The following LGSN variants were observed in gnomAD, a reference collection of about 807,000 sequenced individuals.
LGSN encodes the protein lengsin, lens protein with glutamine synthetase domain.
Under a neutral mutation model 19.5 loss-of-function variants are expected in LGSN, and 21 were observed. The ratio of observed to expected loss-of-function variants is 1.07; its 90% CI spans 0.76 to 1.55. The LOEUF is 1.55. LGSN is among the 40% of genes most tolerant of loss of function. The pLI is 0.00. For missense variants in LGSN, 673 were observed against 608.5 expected (o/e 1.11, Z -1.12); for synonymous variants, 257 against 215.6 (o/e 1.19, Z -1.68).
intron 2 of LGSN, among the ~76,000 whole-genome samples, chr6:63,294,185 A>C (rs1174607143): frequency 6.6e-6 from 1 of 151,958 alleles, no homozygotes; most frequent in Non-Finnish European, 1.5e-5. Flanking sequence ...AAATATAAAA[A>C]ATTAGCGTGG....
At chr6:63,546,996 A>G in the LGSN span, among the ~76,000 whole-genome samples, 1 of 152,192 alleles carries the variant, frequency 6.6e-6, no homozygotes, top group East Asian at 1.9e-4. Flanking sequence ...TTGATAAAAC[A>G]TTCTTTTTTA....
chr6:63,396,283 A>G, the LGSN span: 3 of 183,368 alleles, frequency 1.6e-5, no homozygotes, highest in Admixed American at 6.2e-5. Context: ...ACCAGGATGA[A>G]TCAGCTGTCT....
chr6:63,517,623 A>AAC, the LGSN span, among the ~76,000 whole-genome samples: 4 of 151,900 alleles, frequency 2.6e-5, no homozygotes, highest in South Asian at 2.1e-4. Context: ...ACTATCTATC[A>AAC]ACACACACAC....
the LGSN span, among the ~76,000 whole-genome samples, chr6:63,561,396 A>G: frequency 0.017 from 2,543 of 152,302 alleles, 27 homozygotes; most frequent in Non-Finnish European, 0.026. Context: ...ATAATAAGGT[A>G]TATTTCTACA....
chr6:63,356,100 G>T, the LGSN span, among the ~76,000 whole-genome samples: 4 of 152,170 alleles, frequency 2.6e-5, no homozygotes, highest in South Asian at 8.3e-4. Flanking sequence ...TATTGCACTA[G>T]GGCCCACCCT....
intron 2 of LGSN, among the ~76,000 whole-genome samples, chr6:63,290,330 G>A (rs919263229): frequency 6.6e-6 from 1 of 152,170 alleles, no homozygotes; most frequent in Non-Finnish European, 1.5e-5. Flanking sequence ...CATGATACAA[G>A]ATCTTTCTCC....
the LGSN span, among the ~76,000 whole-genome samples, chr6:63,338,887 G>C: frequency 6.6e-6 from 1 of 151,932 alleles, no homozygotes; most frequent in Non-Finnish European, 1.5e-5. Context: ...AATTTGTTTT[G>C]ATCATTTTTT....
the LGSN span, among the ~76,000 whole-genome samples, chr6:63,552,795 C>A: frequency 6.6e-6 from 1 of 152,102 alleles, no homozygotes; most frequent in East Asian, 1.9e-4. Flanking sequence ...ATAGGGAAAC[C>A]TTTCCCCATT....
chr6:63,461,266 G>C, the LGSN span, among the ~76,000 whole-genome samples: 15 of 152,136 alleles, frequency 9.9e-5, no homozygotes, highest in African/African-American at 3.6e-4. Flanking sequence ...TGGCCATGCT[G>C]GTCTCAAAAT....
chr6:63,364,725 C>A, the LGSN span, among the ~76,000 whole-genome samples: 19,790 of 151,926 alleles, frequency 0.13, 2,834 homozygotes, highest in African/African-American at 0.36. Context: ...ACAGAAATTA[C>A]AAAAAACTGT....
the LGSN span, among the ~76,000 whole-genome samples, chr6:63,348,461 A>C: frequency 6.6e-6 from 1 of 152,112 alleles, no homozygotes; most frequent in African/African-American, 2.4e-5. Flanking sequence ...CTCAAAAGAA[A>C]AAAAAAAATA....
At chr6:63,460,100 CTTTTTTTTTTTTTTTTTTTT>C in the LGSN span, among the ~76,000 whole-genome samples, 1 of 56,128 alleles carries the variant, frequency 1.8e-5, no homozygotes, top group Admixed American at 2.6e-4. Context: ...ATTTCATTCC[CTTTTTTTTTTTTTTTTTTTT>C]TTTTTTTTTT....
the LGSN span, among the ~76,000 whole-genome samples, chr6:63,498,409 T>C: frequency 6.6e-6 from 1 of 152,078 alleles, no homozygotes; most frequent in Admixed American, 6.6e-5. Context: ...ATTCCCTATC[T>C]CATCTCTATT....
chr6:63,430,963 T>A, the LGSN span, among the ~76,000 whole-genome samples: 1 of 152,214 alleles, frequency 6.6e-6, no homozygotes, highest in Non-Finnish European at 1.5e-5. Flanking sequence ...TGAATGATCA[T>A]GTATTATTCA....
the LGSN span, among the ~76,000 whole-genome samples, chr6:63,350,794 G>A: frequency 2.0e-5 from 3 of 151,846 alleles, no homozygotes; most frequent in African/African-American, 7.3e-5. Context: ...AGAGGTTACG[G>A]TGAGCTGAGA....
At chr6:63,520,281 G>T in the LGSN span, among the ~76,000 whole-genome samples, 1 of 152,092 alleles carries the variant, frequency 6.6e-6, no homozygotes, top group Non-Finnish European at 1.5e-5. Context: ...TTGGCCTTCA[G>T]GAGATCTATC....
the LGSN span, among the ~76,000 whole-genome samples, chr6:63,345,010 C>T: frequency 6.6e-6 from 1 of 151,890 alleles, no homozygotes; most frequent in Non-Finnish European, 1.5e-5. Flanking sequence ...CACAGGAAAC[C>T]CAATCATTGT....
chr6:63,528,797 C>A, the LGSN span, among the ~76,000 whole-genome samples: 1 of 151,714 alleles, frequency 6.6e-6, no homozygotes, highest in East Asian at 1.9e-4. Flanking sequence ...ACTTTGGTGG[C>A]ACCCTCCACA....
intron 2 of LGSN, among the ~76,000 whole-genome samples, chr6:63,289,658 C>T (rs1767689728): frequency 6.6e-6 from 1 of 150,980 alleles, no homozygotes; most frequent in East Asian, 1.9e-4. Context: ...TCTATAGCAA[C>T]TAGGAGGCCT....
Sources: gnomAD v4.1 joint callset for allele counts (sites outside exome capture counted in the v4.1 genomes callset) on GRCh38, gnomAD v4.1.1 for gene constraint, MANE v1.5 for transcripts, NCBI Gene and HGNC (gene_info 2026-07-23, HGNC 2026-07-21) for gene names.